The following TGFA variants were observed in gnomAD, a reference collection of about 807,000 sequenced individuals.
TGFA encodes transforming growth factor alpha.
A neutral mutation model predicts 21.7 loss-of-function variants in TGFA; 12 were observed. The observed-to-expected ratio is 0.55, with a 90% CI of 0.35 to 0.90. The LOEUF is 0.90. Ranked by LOEUF, TGFA falls within the 40% of genes least tolerant of loss-of-function variation. TGFA has a pLI of 0.01. For missense variants in TGFA, 178 were observed against 210.8 expected, an observed-to-expected ratio of 0.84 and a Z score of 0.96; for synonymous variants, 79 against 88.1, an observed-to-expected ratio of 0.90 and a Z score of 0.58.
At chr2:70,459,875 C>T (rs1174566200) in intron 3 of TGFA, among the ~76,000 whole-genome samples, 9 of 152,174 alleles carry the variant, frequency 5.9e-5, no homozygotes, top group Admixed American at 5.2e-4. Context: ...TGCTTCTGAG[C>T]GAACACTTCC....
intron 1 of TGFA, among the ~76,000 whole-genome samples, chr2:70,516,946 A>C (rs568493293): frequency 6.6e-6 from 1 of 152,330 alleles, no homozygotes; most frequent in African/African-American, 2.4e-5. Context: ...CCCAGTCAGC[A>C]TGGTTCCTGG....
In TGFA at chr2:70,447,552, A is replaced by G. The variant is rs1395373213; in HGVS notation, c.*3307T>C. On this transcript the variant is annotated 3_prime_UTR_variant, in exon 6 of 6. Coordinates refer to ENST00000295400, the MANE Select transcript of TGFA (RefSeq NM_003236.4). The stretch of plus-strand genomic sequence containing the variant: ...ATCAGAGTAAGGAGTTCTAAAAAAA[A>G]GCATCAGGTTTATTATAATAAAGAT... 1 of 152,642 alleles carries G rather than the reference A, an allele frequency of 6.6e-6. No individual in the cohort carries two copies. The highest frequency in any genetic ancestry group is 2.4e-5 in the African/African-American group (1 of 41,452). 9.5% of individuals were successfully genotyped at this position (152,642 alleles called of 1,614,324 possible).
chr2:70,520,822 C>T (rs1313835187), intron 1 of TGFA, among the ~76,000 whole-genome samples: 1 of 152,104 alleles, frequency 6.6e-6, no homozygotes, highest in Non-Finnish European at 1.5e-5. Context: ...CACCACTCTC[C>T]ACAAGGCCTG....
In TGFA at chr2:70,449,457, C is replaced by A. The variant is rs1268401342; in HGVS notation, c.*1402G>T. ...TTTAATGAAAATTCCTAGGGATGAG[C>A]TATCCACTATGTATTTGAAGGGACC... On this transcript the variant is annotated 3_prime_UTR_variant, in exon 6 of 6. Transcript: ENST00000295400. 2 of 156,832 alleles carry A rather than the reference C, an allele frequency of 1.3e-5. No homozygotes were observed. The highest frequency in any genetic ancestry group is 4.8e-5 in the African/African-American group (2 of 41,594). The allele number at this position is 156,832 out of a possible 1,614,324, so 9.7% of individuals were successfully genotyped here.
At chr2:70,491,981 C>G (rs1364823509) in intron 2 of TGFA, among the ~76,000 whole-genome samples, 1 of 152,206 alleles carries the variant, frequency 6.6e-6, no homozygotes, top group African/African-American at 2.4e-5. Context: ...ATTAACTTAG[C>G]TCTTTCCTTG....
chr2:70,501,256 A>ATTTTTTTTTTTTTTTTTTTTTTTTT (rs34066419), intron 2 of TGFA, among the ~76,000 whole-genome samples: 1 of 144,812 alleles, frequency 6.9e-6, no homozygotes. Context: ...TTTGCTTGCA[A>ATTTTTTTTTTTTTTTTTTTTTTTTT]TTTTTTTTTT....
At chr2:70,532,666 G>A (rs1479353986) in intron 1 of TGFA, among the ~76,000 whole-genome samples, 3 of 152,066 alleles carry the variant, frequency 2.0e-5, no homozygotes, top group Admixed American at 1.3e-4. Context: ...CTCAAGGCTC[G>A]GGACTCAGAG....
chr2:70,492,150 A>G (rs782550157), intron 2 of TGFA, among the ~76,000 whole-genome samples: 3 of 152,188 alleles, frequency 2.0e-5, no homozygotes, highest in African/African-American at 4.8e-5. Flanking sequence ...AGGTAAGAAT[A>G]TAGACAAAAC....
At chr2:70,507,472 C>T (rs1671961516) in intron 2 of TGFA, among the ~76,000 whole-genome samples, 1 of 152,162 alleles carries the variant, frequency 6.6e-6, no homozygotes, top group Admixed American at 6.5e-5. Flanking sequence ...AATCTTTAAA[C>T]ATTCCTCATC....
At chr2:70,489,451 C>T (rs529617184) in intron 2 of TGFA, among the ~76,000 whole-genome samples, 1 of 152,368 alleles carries the variant, frequency 6.6e-6, no homozygotes. Flanking sequence ...AGCCGCTGGG[C>T]AGAGAATCAC....
At chr2:70,496,501 C>A (rs1424037781) in intron 2 of TGFA, among the ~76,000 whole-genome samples, 2 of 152,156 alleles carry the variant, frequency 1.3e-5, no homozygotes, top group Non-Finnish European at 2.9e-5. Context: ...TAATATTGAA[C>A]CATAACCTCA....
chr2:70,515,855 C>T (rs1338528488), intron 1 of TGFA, among the ~76,000 whole-genome samples: 4 of 152,160 alleles, frequency 2.6e-5, no homozygotes, highest in African/African-American at 9.7e-5. Flanking sequence ...GCCCCCAGTG[C>T]ATACTGTATT....
intron 3 of TGFA, among the ~76,000 whole-genome samples, chr2:70,458,581 A>T (rs1574069081): frequency 6.6e-6 from 1 of 152,180 alleles, no homozygotes; most frequent in East Asian, 1.9e-4. Flanking sequence ...GAATGAATGA[A>T]CAACTACCCT....
At chr2:70,476,198 A>G (rs1670931613) in intron 2 of TGFA, among the ~76,000 whole-genome samples, 1 of 151,962 alleles carries the variant, frequency 6.6e-6, no homozygotes, top group Admixed American at 6.6e-5. Context: ...GATTTCAAAG[A>G]GACAAATCAT....
intron 3 of TGFA, among the ~76,000 whole-genome samples, chr2:70,458,233 G>T (rs1553490915): frequency 6.6e-6 from 1 of 152,190 alleles, no homozygotes; most frequent in Non-Finnish European, 1.5e-5. Flanking sequence ...CTAGACTCCA[G>T]GCTGAGAGGT....
At chr2:70,545,707 A>G (rs1673282175) in intron 1 of TGFA, among the ~76,000 whole-genome samples, 1 of 152,306 alleles carries the variant, frequency 6.6e-6, no homozygotes, top group Admixed American at 6.5e-5. Context: ...GTTTTCCTAA[A>G]TATATAAGTA....
chr2:70,499,012 T>C (rs1238229381), intron 2 of TGFA, among the ~76,000 whole-genome samples: 1 of 152,120 alleles, frequency 6.6e-6, no homozygotes, highest in Non-Finnish European at 1.5e-5. Context: ...AGGACACTAG[T>C]GTTTTTAAAA....
chr2:70,456,661 G>A (rs781921604), intron 3 of TGFA, among the ~76,000 whole-genome samples, 173 bp from the exon 4 acceptor site: 1 of 152,236 alleles, frequency 6.6e-6, no homozygotes, highest in South Asian at 2.1e-4. Flanking sequence ...TTTCCCTGTC[G>A]CAGGCACCGC....
At chr2:70,459,010 GGTTAGT>G (rs1353715088) in intron 3 of TGFA, among the ~76,000 whole-genome samples, 1 of 152,210 alleles carries the variant, frequency 6.6e-6, no homozygotes, top group Non-Finnish European at 1.5e-5. Context: ...TTAGGGTTAG[GGTTAGT>G]GCTTCTTTCT....
Sources: allele counts gnomAD v4.1 joint callset (sites outside exome capture counted in the v4.1 genomes callset), GRCh38; gene constraint gnomAD v4.1.1; transcripts MANE v1.5; gene names NCBI Gene and HGNC (gene_info 2026-07-23, HGNC 2026-07-21).